The following CHL1 variants were observed in gnomAD, a reference collection of about 807,000 sequenced individuals.
The protein encoded by CHL1 is cell adhesion molecule L1 like, also known as neural cell adhesion molecule L1-like protein.
Under a neutral mutation model 141.9 loss-of-function variants are expected in CHL1, and 96 were observed. The observed-to-expected ratio is 0.68, with a 90% CI of 0.57 to 0.80. CHL1 has a LOEUF of 0.80. CHL1 is among the 30% of genes least tolerant of loss of function. The probability of loss-of-function intolerance (pLI) is 0.00; values close to 1 mark genes in which losing one functional copy is unlikely to be tolerated. For synonymous variants in CHL1, 613 were observed against 502.2 expected (o/e 1.22, Z -2.95); for missense variants, 1,820 against 1,457.2 (o/e 1.25, Z -4.05).
intron 2 of CHL1, among the ~76,000 whole-genome samples, chr3:280,922 C>A (rs1296685325): frequency 2.0e-5 from 3 of 151,982 alleles, no homozygotes; most frequent in Admixed American, 2.0e-4. Context: ...ACCACACACA[C>A]ACACACACAC....
At chr3:278,648 T>C (rs2125282718) in intron 2 of CHL1, among the ~76,000 whole-genome samples, 1 of 152,356 alleles carries the variant, frequency 6.6e-6, no homozygotes, top group South Asian at 2.1e-4. Context: ...AGGATGAGAA[T>C]AAATTGTATT....
intron 1 of CHL1, among the ~76,000 whole-genome samples, chr3:239,608 T>A (rs558093220): frequency 8.8e-4 from 132 of 150,642 alleles, no homozygotes; most frequent in African/African-American, 2.6e-3. Flanking sequence ...ATATATATAT[T>A]TTAAAATTAT....
At chr3:338,064 C>T (rs1702067998) in intron 5 of CHL1, among the ~76,000 whole-genome samples, 2 of 152,234 alleles carry the variant, frequency 1.3e-5, no homozygotes, top group African/African-American at 4.8e-5. Context: ...CGGGGTTTCA[C>T]CATGTTAGCC....
intron 15 of CHL1, among the ~76,000 whole-genome samples, chr3:377,592 T>A (rs111531449): frequency 2.6e-5 from 4 of 152,214 alleles, no homozygotes; most frequent in South Asian, 4.1e-4. Flanking sequence ...GATTTCATAA[T>A]TTTTAATGTG....
chr3:346,345 A>C (rs2125176527), intron 9 of CHL1, among the ~76,000 whole-genome samples: 1 of 152,292 alleles, frequency 6.6e-6, no homozygotes, highest in East Asian at 1.9e-4. Flanking sequence ...TCTCATATTG[A>C]GTTTGAATCA....
chr3:201,943 AACTCCTTGAGGGTAT>A (rs1698984210), intron 1 of CHL1, among the ~76,000 whole-genome samples: 1 of 152,132 alleles, frequency 6.6e-6, no homozygotes, highest in African/African-American at 2.4e-5. Context: ...TCAGACTGTA[AACTCCTTGAGGGTAT>A]ACATTTCCTT....
Position 401,647 on chromosome 3 carries a change from A to G in CHL1, c.3407A>G (p.His1136Arg), listed in dbSNP as rs781108741. The G allele has an allele frequency of 2.5e-5, 40 of 1,596,870 alleles. No individual in the cohort carries two copies. Among genetic ancestry groups the G allele is most frequent in the Non-Finnish European group, 3.2e-5 (38 of 1,171,620 alleles). The stretch of plus-strand genomic sequence containing the variant: ...TTAGTTAAAGAAAAGGAAGATTTGC[A>G]TCCAGACCCAGAAATTCAGTCAGTA... ...KYSVKEKEDL[H>R]PDPEIQSVKD... is the part of the protein sequence containing the mutation. Residue 1136 changes from histidine (H) to arginine (R), a missense_variant, in exon 27 of 28, where the codon CAT becomes CGT. Transcript: ENST00000256509.
chr3:353,360 A>T (rs1294945782), intron 10 of CHL1, among the ~76,000 whole-genome samples: 2 of 152,190 alleles, frequency 1.3e-5, no homozygotes, highest in East Asian at 3.8e-4. Flanking sequence ...ACCAGAAAAA[A>T]AGTAAGGATA....
At chr3:372,359 T>C (rs1705742900) in intron 15 of CHL1, among the ~76,000 whole-genome samples, 1 of 152,124 alleles carries the variant, frequency 6.6e-6, no homozygotes, top group Non-Finnish European at 1.5e-5. Context: ...AGCAAAGTGG[T>C]CTTCAAAATC....
rs138757865 is a variant in CHL1 at position 249,663 on chromosome 3, A to G, written c.-95+4971A>G. Among the ~76,000 whole-genome samples, 5 of 152,256 alleles carry G rather than the reference A, an allele frequency of 3.3e-5. No individual in the cohort carries two copies. In the East Asian group the frequency reaches 9.7e-4, roughly 29 times the overall value. Reference sequence around the variant, plus strand: ...TAGCCCTTCAAATGCATACATTAAGATTCTCTTCACAGTTGCAAACAGCAG... The same window carrying G: ...TAGCCCTTCAAATGCATACATTAAGGTTCTCTTCACAGTTGCAAACAGCAG... On this transcript the variant is annotated intron_variant, in intron 2 of 27. Transcript: ENST00000256509.
chr3:309,099 C>T (rs898611356), intron 2 of CHL1: 2 of 152,282 alleles, frequency 1.3e-5, no homozygotes, highest in African/African-American at 2.4e-5. Context: ...CAGCGACCCT[C>T]GTTTTGCGAG....
At chr3:221,491 C>G (rs1445497234) in intron 1 of CHL1, among the ~76,000 whole-genome samples, 1 of 152,198 alleles carries the variant, frequency 6.6e-6, no homozygotes, top group Non-Finnish European at 1.5e-5. Flanking sequence ...TTCAAAGAAT[C>G]ATTTGCTTAG....
intron 2 of CHL1, among the ~76,000 whole-genome samples, chr3:301,770 C>T (rs1698759738): frequency 6.6e-6 from 1 of 152,130 alleles, no homozygotes; most frequent in South Asian, 2.1e-4. Flanking sequence ...TATTATTATA[C>T]TTTAAGTTCT....
At chr3:329,039 T>C (rs1575080812) in intron 5 of CHL1, among the ~76,000 whole-genome samples, 1 of 152,226 alleles carries the variant, frequency 6.6e-6, no homozygotes, top group African/African-American at 2.4e-5. Flanking sequence ...TGCAAGACAC[T>C]TTGTTGTTAG....
chr3:373,363 C>A (rs1705888027), intron 15 of CHL1, among the ~76,000 whole-genome samples: 1 of 151,906 alleles, frequency 6.6e-6, no homozygotes, highest in Admixed American at 6.5e-5. Context: ...CAGGGTCAGG[C>A]CTGAAAAGGC....
At chr3:385,758 G>T (rs1456223254) in intron 19 of CHL1, 2 of 151,288 alleles carry the variant, frequency 1.3e-5, no homozygotes, top group African/African-American at 4.9e-5. Context: ...AACCCGGGAG[G>T]TGGAGGTTAC....
chr3:334,816 T>G (rs918685831), intron 5 of CHL1, among the ~76,000 whole-genome samples: 1 of 152,192 alleles, frequency 6.6e-6, no homozygotes, highest in African/African-American at 2.4e-5. Context: ...TTAGGATCCT[T>G]AAGAATGAGA....
intron 2 of CHL1, among the ~76,000 whole-genome samples, chr3:311,499 C>T (rs1273306123): frequency 6.6e-6 from 1 of 152,044 alleles, no homozygotes; most frequent in Non-Finnish European, 1.5e-5. Flanking sequence ...TTATCCACGG[C>T]TCCTGCCCAC....
rs564666283 is a variant in CHL1, at chr3:389,198, C to G, written c.2248-54C>G. Reference sequence around the variant, plus strand: ...TCCACTTAGGGTGGTTCACCATCATCTCTGAGTCAACACATCTGTGATCAG... The same window carrying G: ...TCCACTTAGGGTGGTTCACCATCATGTCTGAGTCAACACATCTGTGATCAG... On this transcript the variant is annotated intron_variant, in intron 19 of 27. Coordinates refer to ENST00000256509, the MANE Select transcript of CHL1 (RefSeq NM_006614.4). 3.1e-5 allele frequency: 44 copies of G among 1,434,556 alleles called. No homozygotes were observed. In the South Asian group the frequency reaches 5.3e-4, roughly 17 times the overall value. 88.9% of individuals were successfully genotyped at this position (1,434,556 alleles called of 1,614,324 possible).
Sources: gnomAD v4.1 joint callset for allele counts (sites outside exome capture counted in the v4.1 genomes callset) on GRCh38, gnomAD v4.1.1 for gene constraint, MANE v1.5 for transcripts, NCBI Gene and HGNC (gene_info 2026-07-23, HGNC 2026-07-21) for gene names.